SLC51B: variants seen among roughly 807,000 people sequenced by gnomAD.
The protein encoded by SLC51B is organic solute transporter subunit beta.
In SLC51B, 6 loss-of-function variants were observed where a neutral mutation model predicts 8.0. The ratio of observed to expected loss-of-function variants is 0.75; its 90% CI spans 0.41 to 1.48. The LOEUF (loss-of-function observed/expected upper bound fraction) is 1.48, where lower values mean the gene tolerates loss of function less well. SLC51B is among the 40% of genes most tolerant of loss of function. The pLI is 0.01. For missense variants in SLC51B, 150 were observed against 149.7 expected, an observed-to-expected ratio of 1.00 and a Z score of -0.01; for synonymous variants, 61 against 54.8, an observed-to-expected ratio of 1.11 and a Z score of -0.50.
intron 2 of SLC51B, among the ~76,000 whole-genome samples, chr15:65,050,833 CTTCTTTTTTT>C (rs1183102175): frequency 2.3e-5 from 2 of 88,600 alleles, no homozygotes; most frequent in South Asian, 5.1e-4. Flanking sequence ...TCTTCTTCTT[CTTCTTTTTTT>C]TTTTTTTTTT....
intron 3 of SLC51B, among the ~76,000 whole-genome samples, chr15:65,052,270 T>A (rs2086663117): frequency 6.6e-6 from 1 of 151,964 alleles, no homozygotes; most frequent in Non-Finnish European, 1.5e-5. Flanking sequence ...GGATGAGGTG[T>A]GTGGTGACAA....
At chr15:65,050,836 C>CCTTTTT (rs2086642864) in intron 2 of SLC51B, among the ~76,000 whole-genome samples, 1 of 95,648 alleles carries the variant, frequency 1.0e-5, no homozygotes, top group Non-Finnish European at 1.9e-5. Flanking sequence ...TCTTCTTCTT[C>CCTTTTT]TTTTTTTTTT....
chr15:65,051,969 C>G (rs1025313355), intron 3 of SLC51B, among the ~76,000 whole-genome samples: 2 of 152,120 alleles, frequency 1.3e-5, no homozygotes, highest in African/African-American at 4.8e-5. Context: ...ACCTGTTCCC[C>G]CTACGACCCA....
At position 65,049,894 on chromosome 15, in the gene SLC51B, C is replaced by T; in HGVS notation, c.-108-3C>T. 1.5e-6 allele frequency: 1 copy of T among 681,338 alleles called. No homozygotes were observed. Among genetic ancestry groups the T allele is most frequent in the Non-Finnish European group, 2.4e-6 (1 of 419,258 alleles). The allele number at this position is 681,338 out of a possible 1,614,324, so 42.2% of individuals were successfully genotyped here. ...CCAGTCATGCTGTCTGCTTTGTTTC[C>T]AGGGGTCTTCACGGCTTCTCTGCCC... On this transcript the variant is annotated splice_polypyrimidine_tract_variant and splice_region_variant and intron_variant, in intron 1 of 3. Coordinates refer to ENST00000334287, the MANE Select transcript of SLC51B (RefSeq NM_178859.4).
At chr15:65,050,834 TTC>T (rs1441066056) in intron 2 of SLC51B, among the ~76,000 whole-genome samples, 58 of 13,110 alleles carry the variant, frequency 4.4e-3, no homozygotes, top group African/African-American at 6.7e-3. Flanking sequence ...CTTCTTCTTC[TTC>T]TTTTTTTTTT....
intron 2 of SLC51B, 68 bp from the exon 3 acceptor site, chr15:65,051,447 C>T: frequency 3.4e-6 from 5 of 1,486,358 alleles, no homozygotes; most frequent in Non-Finnish European, 3.8e-6. Flanking sequence ...GCCCAGGCCC[C>T]AGCTGTTAGC....
Position 65,051,516 on chromosome 15 carries a change from A to G in SLC51B, c.99A>G (p.Ala33=). Residue 33 remains alanine (A), a splice_region_variant and synonymous_variant, in exon 3 of 4, where the codon GCA becomes GCG. Transcript: ENST00000334287. ...EMLWFFRVED[A]SPWNHSILAL... is the part of the protein sequence containing the mutation. ...TCTGTCCTGTGTGTCCTTCCCCAGC[A>G]TCTCCCTGGAATCATTCCATCCTTG... The G allele has an allele frequency of 6.2e-7, 1 of 1,613,386 alleles. No homozygotes were observed. Among genetic ancestry groups the G allele is most frequent in the South Asian group, 1.1e-5 (1 of 91,056 alleles).
intron 1 of SLC51B, among the ~76,000 whole-genome samples, chr15:65,046,693 G>A (rs2414871): frequency 0.02 from 3,105 of 152,080 alleles, 135 homozygotes; most frequent in African/African-American, 0.071. Context: ...TGGGCAGGTC[G>A]CTTGAACTCA....
chr15:65,045,648 G>A (rs1192057008), intron 1 of SLC51B, 66 bp downstream of exon 1: 1 of 152,278 alleles, frequency 6.6e-6, no homozygotes, highest in Non-Finnish European at 1.5e-5. Context: ...ACAGTCCAAT[G>A]GCACGATGGT....
chr15:65,046,739 C>T (rs1228794055), intron 1 of SLC51B, among the ~76,000 whole-genome samples: 2 of 151,968 alleles, frequency 1.3e-5, no homozygotes, highest in Non-Finnish European at 2.9e-5. Context: ...ATGATGAAAC[C>T]CCATCGCTAC....
intron 3 of SLC51B, among the ~76,000 whole-genome samples, chr15:65,052,719 T>C (rs1259812164): frequency 1.3e-5 from 2 of 152,012 alleles, no homozygotes; most frequent in Non-Finnish European, 1.5e-5. Flanking sequence ...ATTTCCTCAC[T>C]TGGAAGGTGC....
intron 2 of SLC51B, among the ~76,000 whole-genome samples, chr15:65,050,832 T>A (rs2086641196): frequency 1.6e-5 from 1 of 61,834 alleles, no homozygotes; most frequent in African/African-American, 4.3e-5. Flanking sequence ...TTCTTCTTCT[T>A]CTTCTTTTTT....
At chr15:65,049,780 G>T (rs887698158) in intron 1 of SLC51B, 117 bp from the exon 2 acceptor site, 2 of 419,788 alleles carry the variant, frequency 4.8e-6, no homozygotes, top group Middle Eastern at 1.2e-3. Flanking sequence ...CGTGCTCCTG[G>T]GTTCGTTCGG....
rs1275533384 is a variant in SLC51B at position 65,053,016 on chromosome 15, T to G, written c.239T>G (p.Leu80Trp). 1 of 1,613,540 alleles carries G rather than the reference T, an allele frequency of 6.2e-7. No homozygotes were observed. Among genetic ancestry groups the G allele is most frequent in the Non-Finnish European group, 8.5e-7 (1 of 1,179,946 alleles). ...PEKETPEVLH[L>W]DEAKDHNSLN... ...AAAGAAACTCCAGAAGTCCTGCATT[T>G]GGATGAGGCCAAGGATCACAACAGC... The change falls in exon 4 of 4, where the codon TTG (leucine) becomes TGG (tryptophan). Residue 80 changes from leucine (L) to tryptophan (W), a missense_variant. Physicochemically the swap from Leu to Trp is moderately conservative, Grantham distance 61 (BLOSUM62 -2). Transcript: ENST00000334287.
chr15:65,051,419 G>A, intron 2 of SLC51B, 96 bp from the exon 3 acceptor site: 1 of 1,154,876 alleles, frequency 8.7e-7, no homozygotes, highest in South Asian at 1.3e-5. Context: ...GACAGTTGAT[G>A]CTGTAAGCTG....
chr15:65,053,366 A>T lies in SLC51B; in HGVS notation c.*202A>T, dbSNP rs2086682309. 7.2e-7 allele frequency: 1 copy of T among 1,395,070 alleles called. No individual in the cohort carries two copies. Among genetic ancestry groups the T allele is most frequent in the African/African-American group, 1.5e-5 (1 of 68,850 alleles). 86.4% of individuals were successfully genotyped at this position (1,395,070 alleles called of 1,614,324 possible). ...GTTATTAAAAAAAATCTTTTATTAA[A>T]ATGCTCCTGGAAGGGAGCAGGTGGT... On this transcript the variant is annotated 3_prime_UTR_variant, in exon 4 of 4. Coordinates refer to ENST00000334287, the MANE Select transcript of SLC51B (RefSeq NM_178859.4).
At chr15:65,048,586 T>C (rs1408622525) in intron 1 of SLC51B, among the ~76,000 whole-genome samples, 1 of 152,256 alleles carries the variant, frequency 6.6e-6, no homozygotes, top group Non-Finnish European at 1.5e-5. Flanking sequence ...CCCTATGGCA[T>C]GTTTTATAAT....
chr15:65,050,832 TCTTC>T (rs1284564997), intron 2 of SLC51B, among the ~76,000 whole-genome samples: 8 of 61,902 alleles, frequency 1.3e-4, no homozygotes, highest in African/African-American at 3.0e-4. Flanking sequence ...TTCTTCTTCT[TCTTC>T]TTTTTTTTTT....
chr15:65,051,476 G>T, intron 2 of SLC51B, 39 bp from the exon 3 acceptor site: 1 of 1,600,726 alleles, frequency 6.2e-7, no homozygotes, highest in South Asian at 1.1e-5. Context: ...GAGGTGCCTG[G>T]CCATTCCTCA....
Sources: gnomAD v4.1 joint callset for allele counts (sites outside exome capture counted in the v4.1 genomes callset) on GRCh38, gnomAD v4.1.1 for gene constraint, MANE v1.5 for transcripts, NCBI Gene and HGNC (gene_info 2026-07-23, HGNC 2026-07-21) for gene names.